The following GDPD1 variants were observed in gnomAD, a reference collection of about 807,000 sequenced individuals.
The protein encoded by GDPD1 is glycerophosphodiester phosphodiesterase domain containing 1.
In GDPD1, 28 loss-of-function variants were observed where a neutral mutation model predicts 45.1. The observed-to-expected ratio is 0.62, with a 90% CI of 0.46 to 0.85. GDPD1 has a LOEUF of 0.85. Among genes scored for constraint, GDPD1 ranks in the 40% least tolerant of loss-of-function variants. GDPD1 has a pLI of 0.00. For synonymous variants in GDPD1, 139 were observed against 131.4 expected, an observed-to-expected ratio of 1.06 and a Z score of -0.40; for missense variants, 256 against 364.8, an observed-to-expected ratio of 0.70 and a Z score of 2.43.
rs184475624 is a variant in GDPD1, at chr17:59,260,398, C to T, written c.576+2558C>T. Among the ~76,000 whole-genome samples, 735 of 151,792 alleles carry T rather than the reference C, an allele frequency of 4.8e-3. 9 individuals carry two copies. Among genetic ancestry groups the T allele is most frequent in the African/African-American group, 0.017 (688 of 41,400 alleles). Reference sequence around the variant, plus strand: ...CTCTACTAAAAATACAAAAATTAGCCGGGCATGGTGGTGCGCACCTGTAAT... The same window carrying T: ...CTCTACTAAAAATACAAAAATTAGCTGGGCATGGTGGTGCGCACCTGTAAT... On this transcript the variant is annotated intron_variant, in intron 6 of 9. Coordinates refer to ENST00000284116, the MANE Select transcript of GDPD1 (RefSeq NM_182569.4).
chr17:59,228,867 G>A (rs1195058106), intron 1 of GDPD1, among the ~76,000 whole-genome samples: 8 of 150,572 alleles, frequency 5.3e-5, no homozygotes, highest in Non-Finnish European at 1.0e-4. Context: ...GCAACAGAGT[G>A]AGACCCTGTC....
chr17:59,237,736 A>G (rs977342347), intron 2 of GDPD1, among the ~76,000 whole-genome samples: 16 of 152,082 alleles, frequency 1.1e-4, no homozygotes, highest in African/African-American at 3.9e-4. Context: ...TATTAAGACT[A>G]GAAGGGCTGT....
Position 59,257,143 on chromosome 17 carries a change from A to T in GDPD1, c.389A>T (p.Asp130Val). 8 of 1,596,426 alleles carry T rather than the reference A, an allele frequency of 5.0e-6. No homozygotes were observed. Among genetic ancestry groups the T allele is most frequent in the Non-Finnish European group, 6.8e-6 (8 of 1,169,676 alleles). ...FQRACQCEGK[D>V]NRIPLLKEVF... ...TCAGCATGCCAGTGTGAAGGAAAAG[A>T]TAACCGAATTCCATTACTGAAGGAA... Residue 130 changes from aspartate (D) to valine (V), a missense_variant, in exon 5 of 10, where the codon GAT becomes GTT. Asp to Val is a radical substitution (Grantham distance 152, BLOSUM62 -3). Transcript: ENST00000284116.
At chr17:59,236,445 C>T (rs1408272471) in intron 2 of GDPD1, among the ~76,000 whole-genome samples, 1 of 152,052 alleles carries the variant, frequency 6.6e-6, no homozygotes, top group Non-Finnish European at 1.5e-5. Context: ...TTTTCTAGTA[C>T]TTCAGAAGAA....
intron 2 of GDPD1, among the ~76,000 whole-genome samples, chr17:59,234,746 G>A (rs2047119006): frequency 6.6e-6 from 1 of 152,172 alleles, no homozygotes; most frequent in Admixed American, 6.5e-5. Flanking sequence ...GCAGATGGGA[G>A]TTTAGGGTAA....
At position 59,273,987 on chromosome 17, in the gene GDPD1, A is replaced by G; in HGVS notation, c.*214A>G. 1.3e-6 allele frequency: 1 copy of G among 749,224 alleles called. No individual in the cohort carries two copies. The highest frequency in any genetic ancestry group is 1.6e-6 in the Non-Finnish European group (1 of 610,808). 46.4% of individuals were successfully genotyped at this position (749,224 alleles called of 1,614,324 possible). ...TATTTTATGTTTGTAAATTGTTTAG[A>G]AAGATAATTGGTTATGAGATGTAAG... On this transcript the variant is annotated 3_prime_UTR_variant, in exon 10 of 10. Coordinates refer to ENST00000284116, the MANE Select transcript of GDPD1 (RefSeq NM_182569.4).
intron 2 of GDPD1, among the ~76,000 whole-genome samples, chr17:59,239,195 C>G (rs551881049): frequency 3.9e-5 from 6 of 152,278 alleles, no homozygotes; most frequent in Admixed American, 1.3e-4. Context: ...ATTAATATGA[C>G]TATCTATGAA....
At chr17:59,263,429 A>G (rs964666269) in intron 6 of GDPD1, among the ~76,000 whole-genome samples, 5 of 148,324 alleles carry the variant, frequency 3.4e-5, no homozygotes, top group Admixed American at 6.8e-5. Context: ...TGTCTTTCAT[A>G]TTGCCAACAT....
chr17:59,229,006 A>C (rs1044062458), intron 1 of GDPD1, among the ~76,000 whole-genome samples: 1 of 151,796 alleles, frequency 6.6e-6, no homozygotes, highest in African/African-American at 2.4e-5. Context: ...AGCTTCCCTA[A>C]TCTGAAAACC....
intron 1 of GDPD1, among the ~76,000 whole-genome samples, chr17:59,234,133 G>A (rs905290093): frequency 6.6e-6 from 1 of 151,908 alleles, no homozygotes; most frequent in Non-Finnish European, 1.5e-5. Context: ...AGATCACGCG[G>A]TCAGGAGATC....
At chr17:59,234,863 T>A (rs527244093) in intron 2 of GDPD1, among the ~76,000 whole-genome samples, 3 of 152,162 alleles carry the variant, frequency 2.0e-5, no homozygotes, top group Non-Finnish European at 4.4e-5. Flanking sequence ...GAAACAACTG[T>A]TACAGTGGCT....
At chr17:59,245,664 A>G in intron 3 of GDPD1, 115 bp downstream of exon 3, 1 of 747,290 alleles carries the variant, frequency 1.3e-6, no homozygotes, top group South Asian at 2.2e-5. Flanking sequence ...TACTGATTAA[A>G]TACTAAACAT....
At chr17:59,259,733 C>G (rs2147898252) in intron 6 of GDPD1, among the ~76,000 whole-genome samples, 1 of 138,376 alleles carries the variant, frequency 7.2e-6, no homozygotes, top group South Asian at 2.3e-4. Flanking sequence ...AACAAGACTC[C>G]ATCTCAAAAA....
chr17:59,250,450 G>A (rs752446791), intron 4 of GDPD1, among the ~76,000 whole-genome samples: 11 of 151,694 alleles, frequency 7.3e-5, no homozygotes, highest in African/African-American at 1.9e-4. Flanking sequence ...GCAAGACCCC[G>A]TCTCTAAAAA....
At chr17:59,230,342 T>C (rs1284817176) in intron 1 of GDPD1, among the ~76,000 whole-genome samples, 2 of 150,534 alleles carry the variant, frequency 1.3e-5, no homozygotes, top group Non-Finnish European at 3.0e-5. Flanking sequence ...TGAAAGGAAC[T>C]GTGAATATTG....
chr17:59,255,837 A>ATG (rs1336777903), intron 4 of GDPD1, among the ~76,000 whole-genome samples: 1 of 89,374 alleles, frequency 1.1e-5, no homozygotes, highest in Non-Finnish European at 2.0e-5. Context: ...ACGCGTATAT[A>ATG]TATATATATA....
At chr17:59,239,340 GTT>G (rs1568341213) in intron 2 of GDPD1, among the ~76,000 whole-genome samples, 2 of 151,892 alleles carry the variant, frequency 1.3e-5, no homozygotes, top group African/African-American at 4.8e-5. Context: ...TAGAGCTAGA[GTT>G]TTTATTTCTT....
intron 3 of GDPD1, among the ~76,000 whole-genome samples, chr17:59,246,927 C>T (rs2047216872): frequency 6.6e-6 from 1 of 151,304 alleles, no homozygotes; most frequent in Non-Finnish European, 1.5e-5. Flanking sequence ...ACCACCATGC[C>T]TGGCTAATTT....
chr17:59,254,222 G>A (rs541808560), intron 4 of GDPD1, among the ~76,000 whole-genome samples: 7 of 152,148 alleles, frequency 4.6e-5, no homozygotes, highest in South Asian at 2.1e-4. Flanking sequence ...TTAGCCAGGC[G>A]TGGTGGCAGA....
Sources: gnomAD v4.1 joint callset for allele counts (sites outside exome capture counted in the v4.1 genomes callset) on GRCh38, gnomAD v4.1.1 for gene constraint, MANE v1.5 for transcripts, NCBI Gene and HGNC (gene_info 2026-07-23, HGNC 2026-07-21) for gene names.